Variants in CTC1 observed in about 807,000 individuals in gnomAD.
The protein encoded by CTC1 is CST complex subunit CTC1.
A neutral mutation model predicts 136.3 loss-of-function variants in CTC1; 91 were observed. The observed-to-expected ratio is 0.67, with a 90% CI of 0.56 to 0.79. The LOEUF is 0.79. Among genes scored for constraint, CTC1 ranks in the 30% least tolerant of loss-of-function variants. The pLI is 0.00. For synonymous variants in CTC1, 606 were observed against 613.8 expected, an observed-to-expected ratio of 0.99 and a Z score of 0.19; for missense variants, 1,432 against 1,498.1, an observed-to-expected ratio of 0.96 and a Z score of 0.73.
chr17:8,229,230 A>G (rs1333775390), intron 19 of CTC1, 24 bp from the exon 20 acceptor site: 12 of 1,614,024 alleles, frequency 7.4e-6, no homozygotes, highest in East Asian at 6.7e-5. Flanking sequence ...AGTGGTTGGA[A>G]AAGTCCTCTT....
Position 8,243,006 on chromosome 17 carries a change from G to A in CTC1, c.176C>T (p.Ser59Phe). ...VWLSQGRNQG[S>F]TLPLSYSFVS... ...TTACCTATAGCTGAGGGGCAGTGTA[G>A]AACCTTGGTTCCTTCCCTGGGACAA... Residue 59 changes from serine (S) to phenylalanine (F), a missense_variant, in exon 2 of 23, where the codon TCT becomes TTT. Coordinates refer to ENST00000651323, the MANE Select transcript of CTC1 (RefSeq NM_025099.6). 6.2e-7 allele frequency: 1 copy of A among 1,613,088 alleles called. No individual in the cohort carries two copies. The highest frequency in any genetic ancestry group is 8.5e-7 in the Non-Finnish European group (1 of 1,179,566).
At position 8,227,879 on chromosome 17, in the gene CTC1, C is replaced by G. The variant is rs1385734659; in HGVS notation, c.*301G>C. The G allele has an allele frequency of 6.7e-6, 2 of 298,738 alleles. No individual in the cohort carries two copies. Among genetic ancestry groups the G allele is most frequent in the Non-Finnish European group, 1.3e-5 (2 of 156,190 alleles). 18.5% of individuals were successfully genotyped at this position (298,738 alleles called of 1,614,324 possible). ...CCTGTCACCATCACCCCACAGCGAG[C>G]AAGTCTTTTGTTCCCTCAGCTCCTG... is the stretch of plus-strand genomic sequence containing the variant. On this transcript the variant is annotated 3_prime_UTR_variant, in exon 23 of 23. Coordinates refer to ENST00000651323, the MANE Select transcript of CTC1 (RefSeq NM_025099.6).
chr17:8,242,037 A>T (rs78975791), intron 2 of CTC1, among the ~76,000 whole-genome samples: 13,550 of 111,762 alleles, frequency 0.12, 1,036 homozygotes, highest in East Asian at 0.34. Flanking sequence ...TATTATTATT[A>T]TTTTTTTTTA....
rs990216961 is a variant in CTC1 at position 8,230,137 on chromosome 17, C to T, written c.2933+157G>A. 4 of 965,428 alleles carry T rather than the reference C, an allele frequency of 4.1e-6. No homozygotes were observed. In the African/African-American group the frequency reaches 4.9e-5, roughly 12 times the overall value. 59.8% of individuals were successfully genotyped at this position (965,428 alleles called of 1,614,324 possible). A position where few individuals can be genotyped will look rare whatever the true frequency, so the allele number is the denominator to read the frequency against. On this transcript the variant is annotated intron_variant, in intron 17 of 22. Transcript: ENST00000651323. ...GACTAGGAGGAGGACCAGCCTGCAACACCTCGTGAGGGTACTGGCTGGGCA... is the reference window on the plus strand; with the variant it reads ...GACTAGGAGGAGGACCAGCCTGCAATACCTCGTGAGGGTACTGGCTGGGCA...
Position 8,228,716 on chromosome 17 carries a change from C to T in CTC1, c.3387+11G>A. On this transcript the variant is annotated intron_variant, in intron 21 of 22. Transcript: ENST00000651323. ...GGGTATCCGAGTCCCTCCCTCCCAGCCACATTACACCTCAAGTTGGGCTCC... is the reference window on the plus strand; with the variant it reads ...GGGTATCCGAGTCCCTCCCTCCCAGTCACATTACACCTCAAGTTGGGCTCC... The T allele has an allele frequency of 6.2e-7, 1 of 1,614,064 alleles. No individual in the cohort carries two copies. The highest frequency in any genetic ancestry group is 8.5e-7 in the Non-Finnish European group (1 of 1,179,982).
chr17:8,237,362 C>T lies in CTC1; in HGVS notation c.792+13G>A, dbSNP rs1252362586. The T allele has an allele frequency of 1.2e-6, 2 of 1,613,900 alleles. No individual in the cohort carries two copies. Among genetic ancestry groups the T allele is most frequent in the Non-Finnish European group, 1.7e-6 (2 of 1,179,888 alleles). Reference sequence around the variant, plus strand: ...TCCCCCACTTCCATGGCTGAAATGACCCCAGTCCTCACCTGCACGATGATG... The same window carrying T: ...TCCCCCACTTCCATGGCTGAAATGATCCCAGTCCTCACCTGCACGATGATG... On this transcript the variant is annotated intron_variant, in intron 5 of 22. Coordinates refer to ENST00000651323, the MANE Select transcript of CTC1 (RefSeq NM_025099.6).
At chr17:8,247,799 A>G (rs1988883738) in intron 1 of CTC1, 3 of 605,680 alleles carry the variant, frequency 5.0e-6, no homozygotes, top group Non-Finnish European at 9.1e-6. Flanking sequence ...GACCAGTTTA[A>G]GGCTCACAGC....
At position 8,231,920 on chromosome 17, in the gene CTC1, C is replaced by T. The variant is rs750909388; in HGVS notation, c.2368G>A (p.Asp790Asn). 1.9e-6 allele frequency: 3 copies of T among 1,613,492 alleles called. No homozygotes were observed. The highest frequency in any genetic ancestry group is 2.5e-6 in the Non-Finnish European group (3 of 1,179,762). The change falls in exon 13 of 23, where the codon GAC becomes AAC. Residue 790 changes from aspartate (D) to asparagine (N), a missense_variant. Transcript: ENST00000651323. ...CAGTTTACCTTCTGATCATTGTCGT[C>T]ATTTCCCTGGGGCTCGGGCAGCCCC... ...GWGLPEPQGN[D>N]DNDQKVHLIF...
rs886053593 is a variant in CTC1 at position 8,226,241 on chromosome 17, C to T, written c.*1939G>A. ...CGCTGTTTCAATTGAATAAAGGCAC[C>T]GCTGGGATTCGAACCCAGGATCTCC... On this transcript the variant is annotated 3_prime_UTR_variant, in exon 23 of 23. Transcript: ENST00000651323. The T allele has an allele frequency of 2.6e-5, 4 of 152,224 alleles. No homozygotes were observed. The highest frequency in any genetic ancestry group is 4.4e-5 in the Non-Finnish European group (3 of 68,018). 9.4% of individuals were successfully genotyped at this position (152,224 alleles called of 1,614,324 possible).
chr17:8,235,227 G>T lies in CTC1; in HGVS notation c.1265C>A (p.Ala422Asp). Residue 422 changes from alanine to aspartate, a missense_variant, in exon 8 of 23, where the codon GCC (alanine) becomes GAC (aspartate). Coordinates refer to ENST00000651323, the MANE Select transcript of CTC1 (RefSeq NM_025099.6). ...VGGGTRRPVL[A>D]PCLRGAVLLQ... Reference sequence around the variant, plus strand: ...CAGAACGGCGCCACGGAGGCAGGGGGCGAGCACTGGCCTTCTTGTCCCCCC... The same window carrying T: ...CAGAACGGCGCCACGGAGGCAGGGGTCGAGCACTGGCCTTCTTGTCCCCCC... 1 of 1,614,144 alleles carries T rather than the reference G, an allele frequency of 6.2e-7. No homozygotes were observed. The highest frequency in any genetic ancestry group is 8.5e-7 in the Non-Finnish European group (1 of 1,180,026).
Position 8,229,460 on chromosome 17 carries a change from G to A in CTC1, c.3012-14C>T. 6.2e-7 allele frequency: 1 copy of A among 1,610,160 alleles called. No individual in the cohort carries two copies. The highest frequency in any genetic ancestry group is 8.5e-7 in the Non-Finnish European group (1 of 1,176,826). ...GGCAGGGGAATGCTAAATAAATACAGGGAGACAGAGACAGGGGTCAAGATA... is the reference window on the plus strand; with the variant it reads ...GGCAGGGGAATGCTAAATAAATACAAGGAGACAGAGACAGGGGTCAAGATA... On this transcript the variant is annotated splice_polypyrimidine_tract_variant and intron_variant, in intron 18 of 22. Coordinates refer to ENST00000651323, the MANE Select transcript of CTC1 (RefSeq NM_025099.6).
Position 8,229,199 on chromosome 17 carries a change from C to G in CTC1, c.3164G>C (p.Cys1055Ser), listed in dbSNP as rs769747718. ...AGGGCAAGTGGAGCCCAGGCGAGTG[C>G]ACTTTCCCTGGGATGAAGACAGTGG... ...YCTSICRQGK[C>S]TRLGSTCPTQ... Residue 1055 changes from cysteine to serine, a missense_variant, in exon 20 of 23, where the codon TGC (cysteine) becomes TCC (serine). Coordinates refer to ENST00000651323, the MANE Select transcript of CTC1 (RefSeq NM_025099.6). The G allele has an allele frequency of 1.2e-6, 2 of 1,614,198 alleles. No homozygotes were observed. The highest frequency in any genetic ancestry group is 1.1e-5 in the South Asian group (1 of 91,076).
Position 8,226,969 on chromosome 17 carries a change from C to G in CTC1, c.*1211G>C, listed in dbSNP as rs1486470680. 6.6e-6 allele frequency: 1 copy of G among 152,382 alleles called. No homozygotes were observed. The highest frequency in any genetic ancestry group is 2.4e-5 in the African/African-American group (1 of 41,400). The allele number at this position is 152,382 out of a possible 1,614,324, so 9.4% of individuals were successfully genotyped here. A position where few individuals can be genotyped will look rare whatever the true frequency, so the allele number is the denominator to read the frequency against. On this transcript the variant is annotated 3_prime_UTR_variant, in exon 23 of 23. Transcript: ENST00000651323. ...CAGCAGAGGGTCAGAAAACAAAACA[C>G]ACACAAAAAAAAGCCACCCACTGGC...
At chr17:8,230,160 G>T in intron 17 of CTC1, 134 bp downstream of exon 17, 1 of 1,028,170 alleles carries the variant, frequency 9.7e-7, no homozygotes, top group Non-Finnish European at 1.4e-6. Context: ...TACTGGCTGG[G>T]CACAAATGGC....
intron 1 of CTC1, chr17:8,247,696 C>G (rs1988870631): frequency 2.8e-6 from 1 of 360,492 alleles, no homozygotes; most frequent in Non-Finnish European, 5.2e-6. Flanking sequence ...ACAGCTCCGT[C>G]AAGGGTCTTC....
intron 2 of CTC1, among the ~76,000 whole-genome samples, chr17:8,242,637 T>C (rs1453187451): frequency 1.4e-5 from 2 of 147,628 alleles, no homozygotes; most frequent in Admixed American, 1.4e-4. Context: ...TTAAACACAA[T>C]GATCTGCACT....
Position 8,226,753 on chromosome 17 carries a change from G to C in CTC1, c.*1427C>G, listed in dbSNP as rs566108708. On this transcript the variant is annotated 3_prime_UTR_variant, in exon 23 of 23. Transcript: ENST00000651323. The stretch of plus-strand genomic sequence containing the variant: ...TACTTCCCTTGACTGACAAACATCT[G>C]CCTCCATGAAAGCGCTTCAGGGAAA... 6.6e-6 allele frequency: 1 copy of C among 152,126 alleles called. No individual in the cohort carries two copies. Among genetic ancestry groups the C allele is most frequent in the Admixed American group, 6.5e-5 (1 of 15,270 alleles). The allele number at this position is 152,126 out of a possible 1,614,324, so 9.4% of individuals were successfully genotyped here. A position where few individuals can be genotyped will look rare whatever the true frequency, so the allele number is the denominator to read the frequency against.
chr17:8,243,239 G>A (rs1404594546), intron 1 of CTC1, 91 bp from the exon 2 acceptor site: 2 of 1,271,036 alleles, frequency 1.6e-6, no homozygotes, highest in East Asian at 2.6e-5. Flanking sequence ...AAATATCCGG[G>A]CCGGGTGCGG....
intron 15 of CTC1, 123 bp downstream of exon 15, chr17:8,231,153 A>C (rs764169095): frequency 8.2e-6 from 7 of 854,444 alleles, no homozygotes; most frequent in Non-Finnish European, 1.2e-5. Flanking sequence ...AAAAAAACAA[A>C]CAAAAACAAC....
Sources: gnomAD v4.1 joint callset for allele counts (sites outside exome capture counted in the v4.1 genomes callset) on GRCh38, gnomAD v4.1.1 for gene constraint, MANE v1.5 for transcripts, NCBI Gene and HGNC (gene_info 2026-07-23, HGNC 2026-07-21) for gene names.